Variants in KIRREL3 observed in about 807,000 individuals in gnomAD.
The protein encoded by KIRREL3 is kin of IRRE-like protein 3.
KIRREL3 carries 36 observed loss-of-function variants against 89.7 expected under a neutral mutation model. That is an observed-to-expected ratio of 0.40 (90% CI 0.31 to 0.53). The LOEUF (loss-of-function observed/expected upper bound fraction) is 0.53. Among genes scored for constraint, KIRREL3 ranks in the 20% least tolerant of loss-of-function variants. The probability of loss-of-function intolerance (pLI) is 0.49; values close to 1 mark genes in which losing one functional copy is unlikely to be tolerated. For missense variants in KIRREL3, 864 were observed against 1,056.6 expected, an observed-to-expected ratio of 0.82 and a Z score of 2.53; for synonymous variants, 445 against 441.4, an observed-to-expected ratio of 1.01 and a Z score of -0.10.
rs1941447378 is a variant in KIRREL3, at chr11:126,579,838, A to G, written c.56-16926T>C. Among the ~76,000 whole-genome samples the G allele has an allele frequency of 9.8e-6, 1 of 102,476 alleles. No individual in the cohort carries two copies. The highest frequency in any genetic ancestry group is 1.3e-4 in the Admixed American group (1 of 7,822). 67.2% of individuals were successfully genotyped at this position (102,476 alleles called of 152,430 possible). Reference sequence around the variant, plus strand: ...CCTTGAATTGTGAGGTCCTTAAAAGAGGGAGCCAAGTCATTTTTTTTTTTT... The same window carrying G: ...CCTTGAATTGTGAGGTCCTTAAAAGGGGGAGCCAAGTCATTTTTTTTTTTT... On this transcript the variant is annotated intron_variant, in intron 1 of 16. Coordinates refer to ENST00000525144, the MANE Select transcript of KIRREL3 (RefSeq NM_032531.4). The surrounding 1 kb of genome is among the most constrained non-coding windows in gnomAD (Gnocchi z 5.3).
intron 4 of KIRREL3, among the ~76,000 whole-genome samples, chr11:126,504,326 C>T (rs1450037377): frequency 6.6e-6 from 1 of 152,154 alleles, no homozygotes; most frequent in Non-Finnish European, 1.5e-5. Context: ...AACCTAGCAG[C>T]CAGGGTGAGT....
At chr11:126,894,187 A>G (rs949812259) in intron 1 of KIRREL3, among the ~76,000 whole-genome samples, 1 of 152,204 alleles carries the variant, frequency 6.6e-6, no homozygotes, top group South Asian at 2.1e-4. Flanking sequence ...AAAATAAGGA[A>G]GTGATGAATT....
chr11:126,979,438 A>G (rs1196012522), intron 1 of KIRREL3, among the ~76,000 whole-genome samples: 1 of 152,222 alleles, frequency 6.6e-6, no homozygotes, highest in East Asian at 1.9e-4. Context: ...CTATAAAATA[A>G]TAACTGCATC....
rs1201718883 is a variant in KIRREL3, at chr11:126,788,964, C to T, written c.55+211491G>A. Among the ~76,000 whole-genome samples the T allele has an allele frequency of 6.6e-6, 1 of 152,174 alleles. No homozygotes were observed. The highest frequency in any genetic ancestry group is 2.1e-4 in the South Asian group (1 of 4,828). ...GCTGGGCACCTAGTCAAACAAATCC[C>T]TGTCAAGATTTCTTTGACCCAACGG... On this transcript the variant is annotated intron_variant, in intron 1 of 16. Coordinates refer to ENST00000525144, the MANE Select transcript of KIRREL3 (RefSeq NM_032531.4). This position sits in a 1 kb window ranked among gnomAD's most constrained non-coding sequence, Gnocchi z 4.1.
chr11:126,456,115 C>G (rs943695541), intron 7 of KIRREL3, among the ~76,000 whole-genome samples: 1 of 134,614 alleles, frequency 7.4e-6, no homozygotes, highest in Non-Finnish European at 1.5e-5. Context: ...AAGCAGAAGC[C>G]GTGAGTCCTG....
Position 126,833,390 on chromosome 11 carries a change from G to C in KIRREL3, c.55+167065C>G, listed in dbSNP as rs867102636. Among the ~76,000 whole-genome samples the C allele has an allele frequency of 3.3e-5, 5 of 152,352 alleles. No homozygotes were observed. The South Asian group carries it at 1.0e-3, about 32-fold the overall frequency. On this transcript the variant is annotated intron_variant, in intron 1 of 16. Transcript: ENST00000525144. ...AGACCAGTTTGCCCACTGCAGGTCT[G>C]CGCAGCCAGATGCAACCCTGTTGAC...
At position 126,685,507 on chromosome 11, in the gene KIRREL3, C is replaced by T. The variant is rs1288070402; in HGVS notation, c.56-122595G>A. ...GTCTGCCCCCAGTGCATAATAATAGCAGTGATAATTAATAATCTATAGTTA... is the reference window on the plus strand; with the variant it reads ...GTCTGCCCCCAGTGCATAATAATAGTAGTGATAATTAATAATCTATAGTTA... On this transcript the variant is annotated intron_variant, in intron 1 of 16. Transcript: ENST00000525144. This position sits in a 1 kb window ranked among gnomAD's most constrained non-coding sequence, Gnocchi z 5.5. Among the ~76,000 whole-genome samples, 1 of 152,110 alleles carries T rather than the reference C, an allele frequency of 6.6e-6. No individual in the cohort carries two copies. The highest frequency in any genetic ancestry group is 1.5e-5 in the Non-Finnish European group (1 of 68,022).
chr11:126,504,455 G>A lies in KIRREL3; in HGVS notation c.433+16860C>T, dbSNP rs10128585. Among the ~76,000 whole-genome samples the A allele has an allele frequency of 5.3e-3, 814 of 152,236 alleles. 10 individuals are homozygous for A. The highest frequency in any genetic ancestry group is 0.019 in the African/African-American group (778 of 41,530). The stretch of plus-strand genomic sequence containing the variant: ...ACAGCTGACTTCGTCACTTCTATGA[G>A]TCTTTGTTTACACAAAGTCAGCTTC... On this transcript the variant is annotated intron_variant, in intron 4 of 16. Transcript: ENST00000525144.
chr11:126,499,224 A>G (rs1957773574), intron 4 of KIRREL3, among the ~76,000 whole-genome samples: 1 of 151,578 alleles, frequency 6.6e-6, no homozygotes, highest in Admixed American at 6.6e-5. Flanking sequence ...ATTGCATTGA[A>G]TGGGATTAAA....
At chr11:126,699,680 A>C (rs1016730611) in intron 1 of KIRREL3, among the ~76,000 whole-genome samples, 1 of 152,174 alleles carries the variant, frequency 6.6e-6, no homozygotes, top group African/African-American at 2.4e-5. Context: ...CATGCTTCAA[A>C]TGCTCACTGC....
Position 126,641,115 on chromosome 11 carries a change from T to C in KIRREL3, c.56-78203A>G, listed in dbSNP as rs1944452817. Among the ~76,000 whole-genome samples, 1 of 152,168 alleles carries C rather than the reference T, an allele frequency of 6.6e-6. No homozygotes were observed. The highest frequency in any genetic ancestry group is 1.5e-5 in the Non-Finnish European group (1 of 68,024). On this transcript the variant is annotated intron_variant, in intron 1 of 16. Transcript: ENST00000525144. This position sits in a 1 kb window ranked among gnomAD's most constrained non-coding sequence, Gnocchi z 5.0. Reference sequence around the variant, plus strand: ...ATCTTTGAAGAAGATGATAAACTTGTCAGTGGCAATTTTATCCTTCCAGTT... The same window carrying C: ...ATCTTTGAAGAAGATGATAAACTTGCCAGTGGCAATTTTATCCTTCCAGTT...
In KIRREL3 at chr11:126,510,014, A is replaced by G. The variant is rs1261845940; in HGVS notation, c.433+11301T>C. ...CTCAAAAAAAAAAAAAAAAAAAAAA[A>G]AAAAGAAAAAAGAAAAAAAGAAAAA... On this transcript the variant is annotated intron_variant, in intron 4 of 16. Coordinates refer to ENST00000525144, the MANE Select transcript of KIRREL3 (RefSeq NM_032531.4). 4.7e-5 allele frequency among the ~76,000 whole-genome samples: 7 copies of G among 147,454 alleles called. No individual in the cohort carries two copies. The East Asian group carries it at 5.9e-4, about 12-fold the overall frequency.
At position 126,954,852 on chromosome 11, in the gene KIRREL3, C is replaced by T. The variant is rs1054339522; in HGVS notation, c.55+45603G>A. On this transcript the variant is annotated intron_variant, in intron 1 of 16. Coordinates refer to ENST00000525144, the MANE Select transcript of KIRREL3 (RefSeq NM_032531.4). The surrounding 1 kb of genome is among the most constrained non-coding windows in gnomAD (Gnocchi z 4.1). ...CCTGGAGTGTTCACCTATCATCATA[C>T]GGCAAGCAGCAGCTCTTAGGTAATG... 5.9e-5 allele frequency among the ~76,000 whole-genome samples: 9 copies of T among 152,254 alleles called. 1 individual carries two copies. Among genetic ancestry groups the T allele is most frequent in the East Asian group, 5.8e-4 (3 of 5,172 alleles).
intron 1 of KIRREL3, among the ~76,000 whole-genome samples, chr11:126,852,357 A>G (rs1944373349): frequency 6.6e-6 from 1 of 152,170 alleles, no homozygotes; most frequent in African/African-American, 2.4e-5. Context: ...CCGGCCGATC[A>G]TGGCTATAAT....
rs1482124555 is a variant in KIRREL3, at chr11:126,535,956, G to T, written c.134-9269C>A. Among the ~76,000 whole-genome samples the T allele has an allele frequency of 6.6e-6, 1 of 151,964 alleles. No homozygotes were observed. The highest frequency in any genetic ancestry group is 6.6e-5 in the Admixed American group (1 of 15,256). ...GCCAAGATCGCACCATTGCACTCCA[G>T]CCTAGGGGACAGAGTGAGACTCCAT... is the stretch of plus-strand genomic sequence containing the variant. On this transcript the variant is annotated intron_variant, in intron 2 of 16. Transcript: ENST00000525144. The surrounding 1 kb of genome is among the most constrained non-coding windows in gnomAD (Gnocchi z 4.5).
rs574143184 is a variant in KIRREL3 at position 126,592,450 on chromosome 11, G to T, written c.56-29538C>A. ...TTACATAGCTAAGAAAGTGGAAGGA[G>T]CTGAGATCTGACAGTTTCCAGCGAT... is the stretch of plus-strand genomic sequence containing the variant. On this transcript the variant is annotated intron_variant, in intron 1 of 16. Coordinates refer to ENST00000525144, the MANE Select transcript of KIRREL3 (RefSeq NM_032531.4). Among the ~76,000 whole-genome samples, 17 of 152,314 alleles carry T rather than the reference G, an allele frequency of 1.1e-4. No individual in the cohort carries two copies. In the East Asian group the frequency reaches 3.3e-3, roughly 29 times the overall value.
chr11:126,626,662 G>T (rs1436757150), intron 1 of KIRREL3, among the ~76,000 whole-genome samples: 1 of 152,204 alleles, frequency 6.6e-6, no homozygotes, highest in Non-Finnish European at 1.5e-5. Context: ...TGCTCCACCG[G>T]TGCCTATCAG....
At chr11:126,947,712 G>T (rs1037848847) in intron 1 of KIRREL3, among the ~76,000 whole-genome samples, 2 of 152,174 alleles carry the variant, frequency 1.3e-5, no homozygotes, top group African/African-American at 4.8e-5. Context: ...GACTGAGATG[G>T]GATTAAAAAG....
intron 1 of KIRREL3, among the ~76,000 whole-genome samples, chr11:126,616,601 A>G (rs1013272380): frequency 1.3e-5 from 2 of 152,108 alleles, no homozygotes; most frequent in African/African-American, 4.8e-5. Flanking sequence ...GGGTGATAGG[A>G]TTTTCCTTTT....
Sources: gnomAD v4.1 joint callset for allele counts (sites outside exome capture counted in the v4.1 genomes callset) on GRCh38, gnomAD v4.1.1 for gene constraint, Gnocchi (gnomAD v3.1) non-coding constraint, MANE v1.5 for transcripts, NCBI Gene and HGNC (gene_info 2026-07-23, HGNC 2026-07-21) for gene names.